Variants in HOMER1 observed in about 807,000 individuals in gnomAD.
The protein encoded by HOMER1 is homer scaffold protein 1.
In HOMER1, 3 loss-of-function variants were observed where a neutral mutation model predicts 48.9. The observed-to-expected ratio is 0.06, with a 90% CI of 0.03 to 0.16. The LOEUF (loss-of-function observed/expected upper bound fraction) is 0.16, where lower values mean the gene tolerates loss of function less well. Ranked by LOEUF, HOMER1 falls within the 10% of genes least tolerant of loss-of-function variation. The probability of loss-of-function intolerance (pLI) is 1.00; values close to 1 mark genes in which losing one functional copy is unlikely to be tolerated. For missense variants in HOMER1, 247 were observed against 411.4 expected, an observed-to-expected ratio of 0.60 and a Z score of 3.46; for synonymous variants, 134 against 146.4, an observed-to-expected ratio of 0.92 and a Z score of 0.61.
chr5:79,430,942 A>T (rs112178120), intron 5 of HOMER1, among the ~76,000 whole-genome samples: 508 of 152,324 alleles, frequency 3.3e-3, no homozygotes, highest in African/African-American at 9.6e-3. Context: ...AAATAAAAAA[A>T]AAATAAATAA....
intron 1 of HOMER1, among the ~76,000 whole-genome samples, chr5:79,503,413 C>A (rs1580045511): frequency 6.6e-6 from 1 of 151,388 alleles, no homozygotes; most frequent in African/African-American, 2.4e-5. Context: ...GCCTGTAATC[C>A]CAGCTACTCA....
At chr5:79,458,251 T>C (rs1180785956) in intron 1 of HOMER1, among the ~76,000 whole-genome samples, 1 of 152,136 alleles carries the variant, frequency 6.6e-6, no homozygotes, top group Non-Finnish European at 1.5e-5. Context: ...AAGTTCTGAG[T>C]AAAAATTATC....
chr5:79,429,618 A>G (rs1300757932), intron 5 of HOMER1, among the ~76,000 whole-genome samples: 1 of 152,058 alleles, frequency 6.6e-6, no homozygotes, highest in African/African-American at 2.4e-5. Flanking sequence ...AAACTATAAA[A>G]CTCTCAGAAG....
chr5:79,445,931 T>TA (rs778249075), intron 4 of HOMER1, among the ~76,000 whole-genome samples: 11 of 152,238 alleles, frequency 7.2e-5, no homozygotes, highest in South Asian at 4.1e-4. Flanking sequence ...AATAAATAAA[T>TA]AATAAAAGTA....
At chr5:79,487,876 T>C (rs1255211500) in intron 1 of HOMER1, among the ~76,000 whole-genome samples, 1 of 152,224 alleles carries the variant, frequency 6.6e-6, no homozygotes, top group Non-Finnish European at 1.5e-5. Context: ...GGTAAAATTA[T>C]ATGATACCTG....
At chr5:79,386,430 G>C (rs987804549) in intron 8 of HOMER1, among the ~76,000 whole-genome samples, 7 of 152,188 alleles carry the variant, frequency 4.6e-5, no homozygotes, top group Admixed American at 6.5e-5. Context: ...CATGGACATA[G>C]AGTGTAGAAT....
Position 79,373,302 on chromosome 5 carries a change from CTTTT to C in HOMER1, c.*2703_*2706del, listed in dbSNP as rs796523577. On this transcript the variant is annotated 3_prime_UTR_variant, in exon 9 of 9. Coordinates refer to ENST00000334082, the MANE Select transcript of HOMER1 (RefSeq NM_004272.5). ...AAATAAAAACTGTATTTTTGCTTTT[CTTTT>C]TTTTTTTCAATTTTTGTTTTTGTAC... The C allele has an allele frequency of 3.5e-5, 5 of 143,042 alleles. No homozygotes were observed. Among genetic ancestry groups the C allele is most frequent in the African/African-American group, 1.3e-4 (5 of 39,196 alleles). The allele number at this position is 143,042 out of a possible 1,614,324, so 8.9% of individuals were successfully genotyped here. A position where few individuals can be genotyped will look rare whatever the true frequency, so the allele number is the denominator to read the frequency against.
At chr5:79,381,028 C>T (rs1748956461) in intron 8 of HOMER1, among the ~76,000 whole-genome samples, 1 of 152,110 alleles carries the variant, frequency 6.6e-6, no homozygotes, top group East Asian at 1.9e-4. Flanking sequence ...GCCTCCAAGA[C>T]ACCAGGAGAC....
rs1489576280 is a variant in HOMER1, at chr5:79,431,134, C to T, written c.527+7876G>A. On this transcript the variant is annotated intron_variant, in intron 5 of 8. Coordinates refer to ENST00000334082, the MANE Select transcript of HOMER1 (RefSeq NM_004272.5). ...TCACTTGAGGTCAGGAGTTCGAGAC[C>T]AGCCTGCCAAAATGGTGAAAGCCCA... 2.6e-5 allele frequency among the ~76,000 whole-genome samples: 4 copies of T among 152,030 alleles called. No individual in the cohort carries two copies. In the East Asian group the frequency reaches 7.7e-4, roughly 29 times the overall value.
intron 1 of HOMER1, among the ~76,000 whole-genome samples, chr5:79,500,376 G>A (rs1752543589): frequency 6.6e-6 from 1 of 152,086 alleles, no homozygotes; most frequent in Admixed American, 6.5e-5. Flanking sequence ...GAAGAGCTTT[G>A]GCTTAAAAAA....
At chr5:79,383,144 T>C (rs989933382) in intron 8 of HOMER1, among the ~76,000 whole-genome samples, 7 of 152,300 alleles carry the variant, frequency 4.6e-5, no homozygotes, top group African/African-American at 1.7e-4. Context: ...AGTCACTATA[T>C]AATGATAGAG....
chr5:79,456,406 C>T (rs1005718779), intron 2 of HOMER1, among the ~76,000 whole-genome samples: 1 of 152,146 alleles, frequency 6.6e-6, no homozygotes, highest in East Asian at 1.9e-4. Context: ...TAGGTTTTGT[C>T]CTTATACTTC....
In HOMER1 at chr5:79,510,906, A is replaced by C. The variant is rs1311806552; in HGVS notation, c.5+1864T>G. ...CAGAGGCTTCAGAGTAGATATCTCTATCTGCCAACGTGAGGACAGGACTGG... is the reference window on the plus strand; with the variant it reads ...CAGAGGCTTCAGAGTAGATATCTCTCTCTGCCAACGTGAGGACAGGACTGG... On this transcript the variant is annotated intron_variant, in intron 1 of 8. Transcript: ENST00000334082. 3 of 645,746 alleles carry C rather than the reference A, an allele frequency of 4.6e-6. No homozygotes were observed. The African/African-American group carries it at 5.4e-5, about 12-fold the overall frequency. 40.0% of individuals were successfully genotyped at this position (645,746 alleles called of 1,614,324 possible).
At chr5:79,469,206 G>T (rs1422448654) in intron 1 of HOMER1, among the ~76,000 whole-genome samples, 1 of 152,094 alleles carries the variant, frequency 6.6e-6, no homozygotes, top group Non-Finnish European at 1.5e-5. Context: ...GTAAGTAAAT[G>T]CATGTTAGTC....
At chr5:79,415,603 T>C (rs1749923811) in intron 5 of HOMER1, among the ~76,000 whole-genome samples, 1 of 152,254 alleles carries the variant, frequency 6.6e-6, no homozygotes, top group Non-Finnish European at 1.5e-5. Context: ...TAATTGACGA[T>C]ATTTTTTCTT....
intron 1 of HOMER1, chr5:79,510,761 G>T (rs1043590083): frequency 2.6e-6 from 2 of 761,270 alleles, no homozygotes; most frequent in African/African-American, 1.7e-5. Flanking sequence ...GCTCGTGCCC[G>T]CATTGCCAAG....
At position 79,374,319 on chromosome 5, in the gene HOMER1, T is replaced by C. The variant is rs1043003368; in HGVS notation, c.*1690A>G. The stretch of plus-strand genomic sequence containing the variant: ...ATGTTACAGCACATATAATACATGA[T>C]TGTTATAAATTTTTCAGAGACACCT... On this transcript the variant is annotated 3_prime_UTR_variant, in exon 9 of 9. Coordinates refer to ENST00000334082, the MANE Select transcript of HOMER1 (RefSeq NM_004272.5). The C allele has an allele frequency of 2.0e-5, 3 of 152,414 alleles. No individual in the cohort carries two copies. The highest frequency in any genetic ancestry group is 2.9e-5 in the Non-Finnish European group (2 of 67,856). The allele number at this position is 152,414 out of a possible 1,614,324, so 9.4% of individuals were successfully genotyped here.
chr5:79,407,797 C>T (rs1749705823), intron 5 of HOMER1, among the ~76,000 whole-genome samples: 1 of 152,104 alleles, frequency 6.6e-6, no homozygotes, highest in Non-Finnish European at 1.5e-5. Flanking sequence ...AAATAAAAGA[C>T]ATGAAACCAC....
intron 5 of HOMER1, among the ~76,000 whole-genome samples, chr5:79,418,913 C>T (rs1451196983): frequency 6.6e-6 from 1 of 152,096 alleles, no homozygotes; most frequent in African/African-American, 2.4e-5. Flanking sequence ...TAGGTGACTA[C>T]TTTTAAACTA....
Sources: allele counts gnomAD v4.1 joint callset (sites outside exome capture counted in the v4.1 genomes callset), GRCh38; gene constraint gnomAD v4.1.1; transcripts MANE v1.5; gene names NCBI Gene and HGNC (gene_info 2026-07-23, HGNC 2026-07-21).